NKIRAS1: variants seen among roughly 807,000 people sequenced by gnomAD.
The protein encoded by NKIRAS1 is NFKB inhibitor interacting Ras like 1.
A neutral mutation model predicts 19.8 loss-of-function variants in NKIRAS1; 16 were observed. That is an observed-to-expected ratio of 0.81 (90% CI 0.55 to 1.23). NKIRAS1 has a LOEUF of 1.23. Among genes scored for constraint, NKIRAS1 ranks in the 50% most tolerant of loss-of-function variants. The pLI is 0.00. For synonymous variants in NKIRAS1, 88 were observed against 79.0 expected (o/e 1.11, Z -0.61); for missense variants, 184 against 220.0 (o/e 0.84, Z 1.04).
Position 23,914,225 on chromosome 3 carries a change from T to G in NKIRAS1, c.-140+2559A>C, listed in dbSNP as rs189342146. On this transcript the variant is annotated intron_variant, in intron 1 of 4. Coordinates refer to ENST00000425478, the MANE Select transcript of NKIRAS1 (RefSeq NM_020345.4). ...TATGACCTGGTCCATTCCTGTGAAA[T>G]GCTTTGTCAACATTTTCTTTGAAGA... Among the ~76,000 whole-genome samples, 5 of 149,348 alleles carry G rather than the reference T, an allele frequency of 3.3e-5. No individual in the cohort carries two copies. The East Asian group carries it at 9.7e-4, about 29-fold the overall frequency.
intron 3 of NKIRAS1, among the ~76,000 whole-genome samples, chr3:23,908,499 A>G (rs1031805449): frequency 2.6e-5 from 4 of 152,230 alleles, no homozygotes; most frequent in African/African-American, 9.6e-5. Context: ...GGCAAGTGTT[A>G]ATAGATATGA....
chr3:23,919,171 C>T, upstream of NKIRAS1: 1 of 1,544,680 alleles, frequency 6.5e-7, no homozygotes, highest in African/African-American at 1.4e-5. Context: ...GGGAGATTGA[C>T]CTTGGGCCTT....
At chr3:23,896,729 T>C (rs1702033654) in intron 4 of NKIRAS1, among the ~76,000 whole-genome samples, 1 of 150,128 alleles carries the variant, frequency 6.7e-6, no homozygotes, top group African/African-American at 2.5e-5. Flanking sequence ...ATCCCAACAG[T>C]GTGGGAGGCT....
chr3:23,941,242 C>T (rs561185261), intron 1 of NKIRAS1, among the ~76,000 whole-genome samples: 2 of 152,046 alleles, frequency 1.3e-5, no homozygotes, highest in South Asian at 4.2e-4. Flanking sequence ...TTCCTAATGC[C>T]CCTCCTTCAT....
At position 23,927,415 on chromosome 3, in the gene NKIRAS1, T is replaced by C. The variant is rs1705229290; in HGVS notation, c.-139-15965A>G. 6.6e-6 allele frequency among the ~76,000 whole-genome samples: 1 copy of C among 152,212 alleles called. No individual in the cohort carries two copies. Among genetic ancestry groups the C allele is most frequent in the African/African-American group, 2.4e-5 (1 of 41,454 alleles). On this transcript the variant is annotated intron_variant, in intron 1 of 4. Coordinates refer to the NKIRAS1 transcript ENST00000421515. The surrounding 1 kb of genome is among the most constrained non-coding windows in gnomAD (Gnocchi z 4.0). ...CTGCGAAGGTGCTATAGTTGGCTTGTGACATTAAACCTCATAATCAAAGCA... is the reference window on the plus strand; with the variant it reads ...CTGCGAAGGTGCTATAGTTGGCTTGCGACATTAAACCTCATAATCAAAGCA...
At chr3:23,929,492 T>C (rs983675701) in intron 1 of NKIRAS1, among the ~76,000 whole-genome samples, 2 of 152,204 alleles carry the variant, frequency 1.3e-5, no homozygotes, top group South Asian at 2.1e-4. Context: ...AGTGGCGTGA[T>C]CTTAGCTCAC....
At chr3:23,942,963 G>A (rs980136820) in intron 1 of NKIRAS1, among the ~76,000 whole-genome samples, 1 of 152,054 alleles carries the variant, frequency 6.6e-6, no homozygotes, top group Non-Finnish European at 1.5e-5. Context: ...GCCCAGGCTA[G>A]TCTCCGATTC....
intron 1 of NKIRAS1, among the ~76,000 whole-genome samples, chr3:23,945,824 G>C (rs941117154): frequency 2.4e-4 from 36 of 150,622 alleles, no homozygotes; most frequent in African/African-American, 8.5e-4. Flanking sequence ...CGCCCGGCCC[G>C]GCCCCCCCCT....
chr3:23,935,783 G>C (rs1217861802), intron 1 of NKIRAS1, among the ~76,000 whole-genome samples: 1 of 151,796 alleles, frequency 6.6e-6, no homozygotes, highest in Non-Finnish European at 1.5e-5. Flanking sequence ...TAGATAATTA[G>C]TAAAGGCTCA....
upstream of NKIRAS1, chr3:23,918,124 T>C: frequency 6.8e-7 from 1 of 1,462,358 alleles, no homozygotes; most frequent in Non-Finnish European, 9.2e-7. Flanking sequence ...CTCAGTGTCT[T>C]TCTTCGCATA....
chr3:23,901,231 T>G (rs1042686236), intron 3 of NKIRAS1, among the ~76,000 whole-genome samples, 182 bp from the exon 4 acceptor site: 24 of 151,508 alleles, frequency 1.6e-4, no homozygotes, highest in Non-Finnish European at 1.3e-4. Flanking sequence ...CAGGCTGAAG[T>G]GCAGTGGCTC....
chr3:23,901,560 T>C (rs776483527), intron 3 of NKIRAS1, among the ~76,000 whole-genome samples: 12 of 152,212 alleles, frequency 7.9e-5, no homozygotes, highest in Non-Finnish European at 1.8e-4. Flanking sequence ...CTTTTAAAAA[T>C]GCATTTTACC....
intron 1 of NKIRAS1, among the ~76,000 whole-genome samples, chr3:23,925,081 C>T (rs565102435): frequency 6.6e-6 from 1 of 152,288 alleles, no homozygotes; most frequent in African/African-American, 2.4e-5. Flanking sequence ...ATGGCTACTC[C>T]TGGGTTCAAA....
intron 1 of NKIRAS1, chr3:23,945,619 G>C: frequency 8.5e-7 from 1 of 1,176,372 alleles, no homozygotes; most frequent in Middle Eastern, 3.3e-4. Flanking sequence ...GCGGCGGGTG[G>C]GGGATGGCCG....
rs928668976 is a variant in NKIRAS1 at position 23,891,723 on chromosome 3, A to T, written c.*1372T>A. On this transcript the variant is annotated 3_prime_UTR_variant, in exon 5 of 5. Transcript: ENST00000425478. ...AACTTATCTGGATACACATACATTCATTACAGAATTTAAAAAGAATTGGTA... is the reference window on the plus strand; with the variant it reads ...AACTTATCTGGATACACATACATTCTTTACAGAATTTAAAAAGAATTGGTA... 3 of 152,220 alleles carry T rather than the reference A, an allele frequency of 2.0e-5. No individual in the cohort carries two copies. The highest frequency in any genetic ancestry group is 2.0e-4 in the Admixed American group (3 of 15,280). 9.4% of individuals were successfully genotyped at this position (152,220 alleles called of 1,614,324 possible). A position where few individuals can be genotyped will look rare whatever the true frequency, so the allele number is the denominator to read the frequency against.
intron 1 of NKIRAS1, among the ~76,000 whole-genome samples, chr3:23,925,322 A>T (rs1457206354): frequency 6.6e-6 from 1 of 152,226 alleles, no homozygotes; most frequent in African/African-American, 2.4e-5. Flanking sequence ...CATTGCCAGA[A>T]TATGATGATG....
intron 1 of NKIRAS1, among the ~76,000 whole-genome samples, chr3:23,912,073 G>C (rs555741186): frequency 1.3e-5 from 2 of 152,252 alleles, no homozygotes; most frequent in East Asian, 3.9e-4. Flanking sequence ...TGTCACGTGG[G>C]CTTTCTTAAT....
intron 1 of NKIRAS1, chr3:23,945,614 G>A: frequency 8.5e-7 from 1 of 1,177,868 alleles, no homozygotes; most frequent in Non-Finnish European, 1.1e-6. Flanking sequence ...GGACTGCGGC[G>A]GGTGGGGGAT....
At chr3:23,940,646 A>C (rs1466037927) in intron 1 of NKIRAS1, among the ~76,000 whole-genome samples, 1 of 152,222 alleles carries the variant, frequency 6.6e-6, no homozygotes, top group Non-Finnish European at 1.5e-5. Context: ...CATAATTTAC[A>C]TAGTGATATA....
Sources: allele counts gnomAD v4.1 joint callset (sites outside exome capture counted in the v4.1 genomes callset), GRCh38; gene constraint gnomAD v4.1.1; non-coding constraint Gnocchi (gnomAD v3.1); transcripts MANE v1.5; gene names NCBI Gene and HGNC (gene_info 2026-07-23, HGNC 2026-07-21).